ZNF488: variants seen among roughly 807,000 people sequenced by gnomAD.
The protein encoded by ZNF488 is zinc finger protein 488.
Under a neutral mutation model 1.2 loss-of-function variants are expected in ZNF488, and 1 was observed. The observed-to-expected ratio is 0.86, with a 90% confidence interval of 0.30 to 4.07. The LOEUF is 4.07. ZNF488 is among the 30% of genes most tolerant of loss of function. The pLI, the probability that ZNF488 is intolerant of heterozygous loss-of-function variation, is 0.18. For missense variants in ZNF488, 450 were observed against 437.9 expected (o/e 1.03, Z -0.25); for synonymous variants, 185 against 190.1 (o/e 0.97, Z 0.22).
In ZNF488 at chr10:47,367,834, G is replaced by A. The variant is rs1837273039; in HGVS notation, c.996C>T (p.Leu332=). 1.2e-6 allele frequency: 2 copies of A among 1,612,912 alleles called. No homozygotes were observed. The highest frequency in any genetic ancestry group is 1.7e-6 in the Non-Finnish European group (2 of 1,179,660). Residue 332 remains leucine, a synonymous_variant, in exon 2 of 2, where the codon CTC becomes CTT. Transcript: ENST00000585316. ...CQEHFRERHH[L]SRHMTSHS ...AGCTGTGAGAAGTCATGTGCCGGGA[G>A]AGGTGGTGGCGCTCCCGGAAGTGCT... is the stretch of plus-strand genomic sequence containing the variant.
intron 1 of ZNF488, among the ~76,000 whole-genome samples, chr10:47,378,035 C>T (rs994359563): frequency 1.6e-4 from 25 of 152,162 alleles, no homozygotes; most frequent in African/African-American, 6.0e-4. Context: ...GCCTGGCCCC[C>T]ACCCCCACAC....
intron 1 of ZNF488, among the ~76,000 whole-genome samples, chr10:47,382,173 T>C (rs1555215567): frequency 6.6e-6 from 1 of 151,032 alleles, no homozygotes; most frequent in Admixed American, 6.6e-5. Flanking sequence ...AACAGGGCTC[T>C]GTGCATGCCA....
chr10:47,373,043 C>A (rs1370502209), intron 1 of ZNF488, among the ~76,000 whole-genome samples: 1 of 152,160 alleles, frequency 6.6e-6, no homozygotes, highest in African/African-American at 2.4e-5. Context: ...TCTGCCTTGG[C>A]GTGTCATGGG....
chr10:47,366,374 GT>G lies in ZNF488; in HGVS notation c.*1432del. 1 of 167,574 alleles carries G rather than the reference GT, an allele frequency of 6.0e-6. No individual in the cohort carries two copies. Among genetic ancestry groups the G allele is most frequent in the Non-Finnish European group, 1.5e-5 (1 of 68,382 alleles). 10.4% of individuals were successfully genotyped at this position (167,574 alleles called of 1,614,324 possible). On this transcript the variant is annotated 3_prime_UTR_variant, in exon 2 of 2. Coordinates refer to ENST00000585316, the MANE Select transcript of ZNF488 (RefSeq NM_153034.4). ...AGGACATCAGAGCAGCCAGGTGGGA[GT>G]GCTGCTGCCTGGAACGGTGGACAGA...
intron 1 of ZNF488, among the ~76,000 whole-genome samples, chr10:47,369,567 G>A (rs375030173): frequency 1.2e-3 from 181 of 152,286 alleles, no homozygotes; most frequent in African/African-American, 4.3e-3. Flanking sequence ...CTGCCTCCCA[G>A]CCTGGTGGCC....
At chr10:47,381,268 C>G (rs782057790) in intron 1 of ZNF488, among the ~76,000 whole-genome samples, 1 of 103,066 alleles carries the variant, frequency 9.7e-6, no homozygotes, top group African/African-American at 4.0e-5. Context: ...TTTGCTGCAT[C>G]TGCTTTTCTC....
chr10:47,382,612 C>G (rs1214276553), intron 1 of ZNF488, among the ~76,000 whole-genome samples: 2 of 152,202 alleles, frequency 1.3e-5, no homozygotes, highest in South Asian at 4.2e-4. Context: ...GATATAAAGG[C>G]AATTTAACTT....
chr10:47,380,887 A>G (rs1402040561), intron 1 of ZNF488, among the ~76,000 whole-genome samples: 3 of 56,702 alleles, frequency 5.3e-5, no homozygotes, highest in African/African-American at 2.7e-4. Context: ...GATTAGAAGG[A>G]TTAATATAGA....
chr10:47,369,367 A>C (rs1466450154), intron 1 of ZNF488, among the ~76,000 whole-genome samples: 1 of 152,196 alleles, frequency 6.6e-6, no homozygotes. Flanking sequence ...ATCATGAGGA[A>C]GCCATGCACC....
intron 1 of ZNF488, among the ~76,000 whole-genome samples, chr10:47,370,639 A>G (rs75069302): frequency 6.6e-6 from 1 of 152,214 alleles, no homozygotes; most frequent in Non-Finnish European, 1.5e-5. Flanking sequence ...ATAGTGGTGA[A>G]AGCAACAAGC....
intron 1 of ZNF488, among the ~76,000 whole-genome samples, chr10:47,374,640 AG>A (rs1555214212): frequency 6.6e-6 from 1 of 152,168 alleles, no homozygotes; most frequent in Non-Finnish European, 1.5e-5. Flanking sequence ...TCCAAGGGTC[AG>A]GGTAGCCAGA....
chr10:47,367,654 G>T lies in ZNF488; in HGVS notation c.*153C>A. 1.2e-6 allele frequency: 1 copy of T among 845,254 alleles called. No homozygotes were observed. The highest frequency in any genetic ancestry group is 1.8e-6 in the Non-Finnish European group (1 of 546,694). 52.4% of individuals were successfully genotyped at this position (845,254 alleles called of 1,614,324 possible). ...CTTCAAAACACATCATGCAGGTGTG[G>T]CTTTTTCAAATTATGCCTGAGCTGT... On this transcript the variant is annotated 3_prime_UTR_variant, in exon 2 of 2. Transcript: ENST00000585316.
At chr10:47,377,600 T>TCTCACA (rs1379437398) in intron 1 of ZNF488, among the ~76,000 whole-genome samples, 3 of 114,770 alleles carry the variant, frequency 2.6e-5, no homozygotes, top group African/African-American at 1.0e-4. Flanking sequence ...AATAACAATC[T>TCTCACA]CACACACACA....
chr10:47,372,803 C>T (rs1437224009), intron 1 of ZNF488, among the ~76,000 whole-genome samples: 1 of 152,234 alleles, frequency 6.6e-6, no homozygotes, highest in African/African-American at 2.4e-5. Flanking sequence ...GGGATGCCTG[C>T]CGCAGTGAGA....
rs75228909 is a variant in ZNF488, at chr10:47,382,201, G to A, written c.-109+2019C>T. On this transcript the variant is annotated intron_variant, in intron 1 of 1. Coordinates refer to ENST00000585316, the MANE Select transcript of ZNF488 (RefSeq NM_153034.4). ...GCATGCCAGATAGCAAGAGCACAAG[G>A]AACAGCAGCTCTTTTCCTGATACAA... Among the ~76,000 whole-genome samples the A allele has an allele frequency of 7.1e-3, 1,088 of 152,360 alleles. 2 individuals carry two copies. The highest frequency in any genetic ancestry group is 0.02 in the Middle Eastern group (6 of 294).
Position 47,369,476 on chromosome 10 carries a change from G to A in ZNF488, c.-108-539C>T, listed in dbSNP as rs1029073810. ...GAGGGTCGCAGTGTTGGAGGACCAT[G>A]GACTTCATGGTCTTTGCTCCTCATG... On this transcript the variant is annotated intron_variant, in intron 1 of 1. Coordinates refer to ENST00000585316, the MANE Select transcript of ZNF488 (RefSeq NM_153034.4). 3.3e-5 allele frequency among the ~76,000 whole-genome samples: 5 copies of A among 152,228 alleles called. No individual in the cohort carries two copies. In the East Asian group the frequency reaches 9.7e-4, roughly 30 times the overall value.
Position 47,367,921 on chromosome 10 carries a change from C to CAAAA in ZNF488, c.908_909insTTTT (p.Gly304PhefsTer4), listed in dbSNP as rs1837278444. 6.2e-7 allele frequency: 1 copy of CAAAA among 1,613,972 alleles called. No homozygotes were observed. The highest frequency in any genetic ancestry group is 1.3e-5 in the African/African-American group (1 of 74,910). On this transcript the variant is annotated frameshift_variant, in exon 2 of 2. Transcript: ENST00000585316. LOFTEE classifies it low-confidence loss of function (END_TRUNC). ...GCTTCTGAGAATGTGGGTCAGGCCC[C>CAAAA]GCATGCTCCTTTTTGTGGTGGGATC...
rs537522316 is a variant in ZNF488 at position 47,368,148 on chromosome 10, G to A, written c.682C>T (p.Pro228Ser). The change falls in exon 2 of 2, where the codon CCA becomes TCA. Residue 228 changes from proline (P) to serine (S), a missense_variant. Coordinates refer to ENST00000585316, the MANE Select transcript of ZNF488 (RefSeq NM_153034.4). ...WNLQALPQNA[P>S]LCSTFLGAPT... ...GCACCCAGAAAAGTGCTACAGAGTG[G>A]AGCATTCTGTGGCAATGCTTGCAAG... 8 of 1,614,154 alleles carry A rather than the reference G, an allele frequency of 5.0e-6. No homozygotes were observed. The highest frequency in any genetic ancestry group is 4.4e-5 in the South Asian group (4 of 91,086).
Position 47,368,527 on chromosome 10 carries a change from G to A in ZNF488, c.303C>T (p.Ala101=), listed in dbSNP as rs1555213282. Residue 101 remains alanine, a synonymous_variant, in exon 2 of 2, where the codon GCC becomes GCT. Transcript: ENST00000585316. ...PKTRGEQRQS[A]FTELPRMKDR... ...CCTTCATCCTCGGCAGCTCCGTGAA[G>A]GCGCTCTGCCTCTGCTCTCCACGTG... 1.2e-6 allele frequency: 2 copies of A among 1,613,674 alleles called. No individual in the cohort carries two copies. The highest frequency in any genetic ancestry group is 1.7e-6 in the Non-Finnish European group (2 of 1,179,974).
Sources: gnomAD v4.1 joint callset for allele counts (sites outside exome capture counted in the v4.1 genomes callset) on GRCh38, gnomAD v4.1.1 for gene constraint, MANE v1.5 for transcripts, NCBI Gene and HGNC (gene_info 2026-07-23, HGNC 2026-07-21) for gene names.